The following RREB1 variants were observed in gnomAD, a reference collection of about 807,000 sequenced individuals.
RREB1 encodes the protein ras responsive element binding protein 1.
A neutral mutation model predicts 117.8 loss-of-function variants in RREB1; 27 were observed. That is an observed-to-expected ratio of 0.23 (90% CI 0.17 to 0.32). RREB1 has a LOEUF of 0.32. Among genes scored for constraint, RREB1 ranks in the 10% least tolerant of loss-of-function variants. RREB1 has a pLI of 1.00. For missense variants in RREB1, 2,577 were observed against 2,378.2 expected, an observed-to-expected ratio of 1.08 and a Z score of -1.74; for synonymous variants, 1,298 against 1,026.7, an observed-to-expected ratio of 1.26 and a Z score of -5.05.
At chr6:7,119,865 C>A (rs1039900391) in intron 1 of RREB1, among the ~76,000 whole-genome samples, 3 of 152,078 alleles carry the variant, frequency 2.0e-5, no homozygotes, top group South Asian at 4.1e-4. Flanking sequence ...CTTTGAAAAC[C>A]GGTGGTGGCA....
Position 7,211,677 on chromosome 6 carries a change from C to G in RREB1, c.675C>G (p.Thr225=). 6.2e-7 allele frequency: 1 copy of G among 1,613,974 alleles called. No individual in the cohort carries two copies. The highest frequency in any genetic ancestry group is 1.1e-5 in the South Asian group (1 of 91,082). ...KEFVCKYGLE[T]HMETHSDNPL... ...TTGTTTGCAAGTATGGACTGGAGAC[C>G]CACATGGAGACCCATTCAGATAACC... The change falls in exon 8 of 13, where the codon ACC becomes ACG. Residue 225 remains threonine (T), a synonymous_variant. Coordinates refer to ENST00000379938, the MANE Select transcript of RREB1 (RefSeq NM_001003699.4).
At chr6:7,170,440 A>G (rs1271772632) in intron 1 of RREB1, among the ~76,000 whole-genome samples, 1 of 152,220 alleles carries the variant, frequency 6.6e-6, no homozygotes, top group Non-Finnish European at 1.5e-5. Context: ...CGGGGCCACC[A>G]GGAATCCTGG....
intron 1 of RREB1, among the ~76,000 whole-genome samples, chr6:7,133,306 G>A (rs1276160236): frequency 6.6e-6 from 1 of 152,152 alleles, no homozygotes; most frequent in Non-Finnish European, 1.5e-5. Flanking sequence ...GGGCTTGTAT[G>A]AACTTTTGTG....
intron 11 of RREB1, among the ~76,000 whole-genome samples, chr6:7,244,404 C>A (rs1053293451): frequency 6.6e-6 from 1 of 152,148 alleles, no homozygotes; most frequent in African/African-American, 2.4e-5. Context: ...GAGACCCTGA[C>A]TCTAGGGAGG....
At chr6:7,122,281 T>C (rs1441372303) in intron 1 of RREB1, among the ~76,000 whole-genome samples, 1 of 152,232 alleles carries the variant, frequency 6.6e-6, no homozygotes, top group Non-Finnish European at 1.5e-5. Flanking sequence ...TTTTCTTTTT[T>C]AAGGGATGGA....
chr6:7,188,191 A>G (rs1202198554), intron 5 of RREB1, among the ~76,000 whole-genome samples: 1 of 151,462 alleles, frequency 6.6e-6, no homozygotes, highest in Non-Finnish European at 1.5e-5. Context: ...CTCAAAATAA[A>G]TAAATAAAAT....
At position 7,108,937 on chromosome 6, in the gene RREB1, C is replaced by T. The variant is rs113170948; in HGVS notation, c.-285+877C>T. ...AGGAGGGGACCGGGCCCTAGCCGTGCGGGCACGTATTGTTCCCTCGCCCTT... is the reference window on the plus strand; with the variant it reads ...AGGAGGGGACCGGGCCCTAGCCGTGTGGGCACGTATTGTTCCCTCGCCCTT... On this transcript the variant is annotated intron_variant, in intron 1 of 12. Coordinates refer to ENST00000379938, the MANE Select transcript of RREB1 (RefSeq NM_001003699.4). Among the ~76,000 whole-genome samples the T allele has an allele frequency of 9.7e-4, 140 of 144,440 alleles. 2 individuals are homozygous for T. In the East Asian group the frequency reaches 0.029, roughly 29 times the overall value. The allele number at this position is 144,440 out of a possible 152,430, so 94.8% of individuals were successfully genotyped here.
At position 7,232,342 on chromosome 6, in the gene RREB1, A is replaced by G. The variant is rs749166794; in HGVS notation, c.3808+435A>G. Among the ~76,000 whole-genome samples, 133 of 152,284 alleles carry G rather than the reference A, an allele frequency of 8.7e-4. 1 individual carries two copies. The highest frequency in any genetic ancestry group is 1.6e-3 in the Non-Finnish European group (107 of 68,026). On this transcript the variant is annotated intron_variant, in intron 10 of 12. Coordinates refer to ENST00000379938, the MANE Select transcript of RREB1 (RefSeq NM_001003699.4). The stretch of plus-strand genomic sequence containing the variant: ...TTGACATTCCATTCCAGTGTCCTCA[A>G]TGCAGCTTTTTAAATTTTGACAATT...
intron 1 of RREB1, among the ~76,000 whole-genome samples, chr6:7,175,740 C>T (rs985341495): frequency 4.6e-5 from 7 of 152,166 alleles, no homozygotes; most frequent in African/African-American, 1.7e-4. Flanking sequence ...CCAGAGCAGA[C>T]TTGCTCAAAC....
intron 8 of RREB1, chr6:7,214,653 G>GGA (rs1377767465): frequency 6.6e-6 from 1 of 152,302 alleles, no homozygotes; most frequent in African/African-American, 2.4e-5. Context: ...GTAGCTAGTG[G>GGA]GAGAGACAGC....
chr6:7,170,779 G>C (rs1281951348), intron 1 of RREB1, among the ~76,000 whole-genome samples: 1 of 152,202 alleles, frequency 6.6e-6, no homozygotes, highest in African/African-American at 2.4e-5. Flanking sequence ...CTTGGTTTTT[G>C]CTCTGGAGGT....
intron 8 of RREB1, among the ~76,000 whole-genome samples, chr6:7,219,929 A>G (rs1009877544): frequency 1.3e-5 from 2 of 152,138 alleles, no homozygotes; most frequent in African/African-American, 2.4e-5. Context: ...TACAGTTGAT[A>G]CTAAGGGAGG....
intron 1 of RREB1, among the ~76,000 whole-genome samples, chr6:7,109,593 G>T (rs1485345096): frequency 3.3e-5 from 5 of 152,344 alleles, no homozygotes; most frequent in Non-Finnish European, 7.4e-5. Flanking sequence ...GCCGCGTGCA[G>T]CTCGCGCCCC....
intron 1 of RREB1, among the ~76,000 whole-genome samples, chr6:7,147,596 G>A (rs183401677): frequency 6.6e-6 from 1 of 152,152 alleles, no homozygotes; most frequent in African/African-American, 2.4e-5. Flanking sequence ...ACAGTTAATT[G>A]TACCATCCAT....
chr6:7,227,706 G>A (rs1332264587), intron 9 of RREB1, among the ~76,000 whole-genome samples: 2 of 152,062 alleles, frequency 1.3e-5, no homozygotes, highest in African/African-American at 4.8e-5. Flanking sequence ...AACAATTTGG[G>A]TCATTATTGA....
rs1247729763 is a variant in RREB1, at chr6:7,231,513, T to C, written c.3414T>C (p.Ala1138=). ...CCGCTCCAGCCAGCAGCCCAGAGGC[T>C]GCCTCTCCCACCGAGCAGGGCCCAG... ...EPPAPASSPE[A]ASPTEQGPAG... is the part of the protein sequence containing the mutation. The change falls in exon 10 of 13, where the codon GCT becomes GCC. Residue 1138 remains alanine, a synonymous_variant. Coordinates refer to ENST00000379938, the MANE Select transcript of RREB1 (RefSeq NM_001003699.4). The C allele has an allele frequency of 1.2e-6, 2 of 1,609,478 alleles. No homozygotes were observed. The highest frequency in any genetic ancestry group is 2.7e-5 in the African/African-American group (2 of 74,828).
intron 1 of RREB1, among the ~76,000 whole-genome samples, chr6:7,108,315 A>C (rs1760932615): frequency 1.1e-5 from 1 of 87,116 alleles, no homozygotes; most frequent in Admixed American, 1.2e-4. Flanking sequence ...GCGCCGGGCC[A>C]TTCCTCCTCC....
At chr6:7,196,220 T>TGG (rs1765664692) in intron 6 of RREB1, among the ~76,000 whole-genome samples, 1 of 22,978 alleles carries the variant, frequency 4.4e-5, no homozygotes, top group Non-Finnish European at 9.0e-5. Flanking sequence ...TTTTTTTCGT[T>TGG]TTTTTTTTTT....
At chr6:7,174,647 C>T (rs1764412126) in intron 1 of RREB1, among the ~76,000 whole-genome samples, 1 of 152,184 alleles carries the variant, frequency 6.6e-6, no homozygotes, top group Non-Finnish European at 1.5e-5. Context: ...GACTCTCTGT[C>T]GTCCAGGCTG....
Sources: gnomAD v4.1 joint callset for allele counts (sites outside exome capture counted in the v4.1 genomes callset) on GRCh38, gnomAD v4.1.1 for gene constraint, MANE v1.5 for transcripts, NCBI Gene and HGNC (gene_info 2026-07-23, HGNC 2026-07-21) for gene names.